Variants in SLC36A1 observed in about 807,000 individuals in gnomAD.
SLC36A1 encodes solute carrier family 36 member 1, also known as proton-coupled amino acid transporter 1.
A neutral mutation model predicts 47.5 loss-of-function variants in SLC36A1; 30 were observed. That is an observed-to-expected ratio of 0.63 (90% CI 0.47 to 0.86). The LOEUF (loss-of-function observed/expected upper bound fraction) is 0.86. Ranked by LOEUF, SLC36A1 falls within the 40% of genes least tolerant of loss-of-function variation. The pLI is 0.00. For synonymous variants in SLC36A1, 255 were observed against 249.7 expected (o/e 1.02, Z -0.20); for missense variants, 517 against 606.0 (o/e 0.85, Z 1.54).
At chr5:151,508,732 G>T in the SLC36A1 span, among the ~76,000 whole-genome samples, 1 of 151,756 alleles carries the variant, frequency 6.6e-6, no homozygotes, top group South Asian at 2.1e-4. Context: ...AAAGGACTGG[G>T]GTCATCAGCA....
chr5:151,487,454 C>CT (rs1434447586), intron 10 of SLC36A1, among the ~76,000 whole-genome samples: 1 of 151,960 alleles, frequency 6.6e-6, no homozygotes, highest in Non-Finnish European at 1.5e-5. Flanking sequence ...GATAGAACTG[C>CT]TTTTTTTCAC....
chr5:151,516,542 C>T, the SLC36A1 span, among the ~76,000 whole-genome samples: 4 of 152,100 alleles, frequency 2.6e-5, no homozygotes, highest in African/African-American at 9.7e-5. Flanking sequence ...AAAATTGCAA[C>T]TCTCCTCACC....
chr5:151,364,184 C>G, the SLC36A1 span, among the ~76,000 whole-genome samples: 2 of 152,076 alleles, frequency 1.3e-5, no homozygotes, highest in South Asian at 4.1e-4. Context: ...AACCTAATAT[C>G]TGTATATATT....
chr5:151,446,107 G>T (rs72798312), upstream of SLC36A1, among the ~76,000 whole-genome samples: 21,961 of 152,024 alleles, frequency 0.14, 2,133 homozygotes, highest in East Asian at 0.38. Context: ...GGCATTTATT[G>T]CTATAAACTT....
the SLC36A1 span, chr5:151,517,780 A>G: frequency 6.2e-7 from 1 of 1,613,788 alleles, no homozygotes; most frequent in South Asian, 1.1e-5. Context: ...GAAAGCAACC[A>G]AAGCTGTCAC....
At chr5:151,392,773 G>C in the SLC36A1 span, among the ~76,000 whole-genome samples, 2 of 152,166 alleles carry the variant, frequency 1.3e-5, no homozygotes, top group African/African-American at 4.8e-5. Context: ...GAGACAGTTT[G>C]TTATAATTTC....
the SLC36A1 span, among the ~76,000 whole-genome samples, chr5:151,369,598 T>C: frequency 6.6e-6 from 1 of 152,162 alleles, no homozygotes; most frequent in Non-Finnish European, 1.5e-5. Context: ...TGCTTCAGCC[T>C]CTTGAAGAGC....
At chr5:151,510,332 T>A in the SLC36A1 span, 2 of 781,124 alleles carry the variant, frequency 2.6e-6, no homozygotes, top group Non-Finnish European at 4.0e-6. Flanking sequence ...ATTGGTGCCC[T>A]GCTGAACCAA....
At chr5:151,526,578 A>G in the SLC36A1 span, among the ~76,000 whole-genome samples, 7 of 152,358 alleles carry the variant, frequency 4.6e-5, no homozygotes, top group African/African-American at 1.7e-4. Context: ...TGCCTATCCA[A>G]CAGACATTCT....
At chr5:151,385,061 A>G in the SLC36A1 span, among the ~76,000 whole-genome samples, 1 of 151,466 alleles carries the variant, frequency 6.6e-6, no homozygotes, top group African/African-American at 2.4e-5. Flanking sequence ...AGAGACAGAG[A>G]GAAAGAGGGG....
the SLC36A1 span, chr5:151,521,437 C>T: frequency 7.4e-6 from 12 of 1,614,088 alleles, no homozygotes; most frequent in East Asian, 4.5e-5. Context: ...CATAGCTGAC[C>T]GCATCTGAAC....
chr5:151,496,989 A>G (rs1314660319), downstream of SLC36A1, among the ~76,000 whole-genome samples: 4 of 152,058 alleles, frequency 2.6e-5, no homozygotes. Context: ...ACCTTTCTGT[A>G]CTCGATAATT....
the SLC36A1 span, chr5:151,528,261 C>T: frequency 9.6e-7 from 1 of 1,044,368 alleles, no homozygotes; most frequent in Non-Finnish European, 1.4e-6. Context: ...TCACAGTTGT[C>T]CCTGCCAAAG....
At chr5:151,525,885 C>G in the SLC36A1 span, 4 of 1,614,160 alleles carry the variant, frequency 2.5e-6, no homozygotes, top group Non-Finnish European at 3.4e-6. Context: ...TGATTCGAAA[C>G]GAGTAGGGGG....
At chr5:151,543,184 C>G in the SLC36A1 span, 5 of 1,614,086 alleles carry the variant, frequency 3.1e-6, no homozygotes, top group African/African-American at 6.7e-5. Flanking sequence ...TCCCACCAGG[C>G]TGTCTTTCAC....
intron 5 of SLC36A1, among the ~76,000 whole-genome samples, chr5:151,466,774 T>A (rs1467841662): frequency 1.3e-5 from 2 of 152,126 alleles, no homozygotes; most frequent in Non-Finnish European, 2.9e-5. Flanking sequence ...GGCTGGGCAG[T>A]GGTCATGGTG....
chr5:151,439,618 A>G (rs1198225902), intron 1 of SLC36A1, among the ~76,000 whole-genome samples: 1 of 151,328 alleles, frequency 6.6e-6, no homozygotes, highest in Non-Finnish European at 1.5e-5. Flanking sequence ...ATGCCACTGC[A>G]CTCCAGCCAG....
At chr5:151,389,091 G>A in the SLC36A1 span, among the ~76,000 whole-genome samples, 8 of 152,136 alleles carry the variant, frequency 5.3e-5, no homozygotes, top group African/African-American at 1.2e-4. Context: ...ACAAACTTGA[G>A]CCTGGGATTC....
At chr5:151,543,412 T>C in the SLC36A1 span, 1 of 1,614,066 alleles carries the variant, frequency 6.2e-7, no homozygotes, top group South Asian at 1.1e-5. Flanking sequence ...GAGGATGATC[T>C]TCACCGTGCA....
Sources: allele counts gnomAD v4.1 joint callset (sites outside exome capture counted in the v4.1 genomes callset), GRCh38; gene constraint gnomAD v4.1.1; transcripts MANE v1.5; gene names NCBI Gene and HGNC (gene_info 2026-07-23, HGNC 2026-07-21).